USP42: variants seen among roughly 807,000 people sequenced by gnomAD.
The protein encoded by USP42 is ubiquitin carboxyl-terminal hydrolase 42.
Under a neutral mutation model 113.0 loss-of-function variants are expected in USP42, and 23 were observed. The ratio of observed to expected loss-of-function variants is 0.20; its 90% CI spans 0.15 to 0.29. The LOEUF is 0.29. USP42 is among the 10% of genes least tolerant of loss of function. The pLI, the probability that USP42 is intolerant of heterozygous loss-of-function variation, is 1.00. For synonymous variants in USP42, 933 were observed against 699.0 expected, an observed-to-expected ratio of 1.33 and a Z score of -5.28; for missense variants, 2,174 against 1,779.8, an observed-to-expected ratio of 1.22 and a Z score of -3.99.
At chr7:6,114,513 A>G (rs1172948443) in intron 2 of USP42, among the ~76,000 whole-genome samples, 3 of 151,436 alleles carry the variant, frequency 2.0e-5, no homozygotes, top group Admixed American at 1.3e-4. Flanking sequence ...TAGTGTATAC[A>G]TCTAAAGAGT....
At chr7:6,150,850 G>A (rs1782002529) in intron 14 of USP42, among the ~76,000 whole-genome samples, 2 of 152,160 alleles carry the variant, frequency 1.3e-5, no homozygotes, top group African/African-American at 4.8e-5. Context: ...TGTGCTGAGG[G>A]TCTAGGCCAG....
chr7:6,120,008 C>T (rs754726289), intron 3 of USP42, among the ~76,000 whole-genome samples: 3 of 152,170 alleles, frequency 2.0e-5, no homozygotes, highest in East Asian at 1.9e-4. Context: ...CTCTGCCGCC[C>T]GGGCTGGAGT....
intron 3 of USP42, among the ~76,000 whole-genome samples, chr7:6,126,224 T>A (rs1199350370): frequency 6.6e-6 from 1 of 152,200 alleles, no homozygotes; most frequent in South Asian, 2.1e-4. Flanking sequence ...ATCCAGGTCG[T>A]TGCATGTATT....
chr7:6,081,704 A>T, the USP42 span: 2 of 152,218 alleles, frequency 1.3e-5, no homozygotes, highest in Admixed American at 6.6e-5. Flanking sequence ...AGGTCGGGTG[A>T]GAGGGTGATC....
In USP42 at chr7:6,121,015, C is replaced by G. The variant is rs577331767; in HGVS notation, c.442+5492C>G. ...TCTTATATCTTGGAACCTTAAGTCA[C>G]TTATTAATTCTAGTAGGTTTTTTTT... On this transcript the variant is annotated intron_variant, in intron 3 of 17. Coordinates refer to ENST00000306177, the MANE Select transcript of USP42 (RefSeq NM_032172.3). Among the ~76,000 whole-genome samples the G allele has an allele frequency of 1.5e-4, 23 of 151,676 alleles. No homozygotes were observed. The Middle Eastern group carries it at 0.014, about 90-fold the overall frequency.
intron 3 of USP42, among the ~76,000 whole-genome samples, chr7:6,119,984 G>A (rs1341755050): frequency 6.6e-6 from 1 of 151,834 alleles, no homozygotes; most frequent in Non-Finnish European, 1.5e-5. Flanking sequence ...TTTGTTTTTT[G>A]AGACGGAGTC....
In USP42 at chr7:6,146,327, T is replaced by C. The variant is rs867629497; in HGVS notation, c.1232+79T>C. On this transcript the variant is annotated intron_variant, in intron 11 of 17. Coordinates refer to ENST00000306177, the MANE Select transcript of USP42 (RefSeq NM_032172.3). ...CTTATCAACATGTTTGAATTCAATATTCAGTGTTTTAAAAAAAAAAAAAAA... is the reference window on the plus strand; with the variant it reads ...CTTATCAACATGTTTGAATTCAATACTCAGTGTTTTAAAAAAAAAAAAAAA... 182 of 894,286 alleles carry C rather than the reference T, an allele frequency of 2.0e-4. No homozygotes were observed. The Middle Eastern group carries it at 5.1e-3, about 25-fold the overall frequency. 55.4% of individuals were successfully genotyped at this position (894,286 alleles called of 1,614,324 possible). A position where few individuals can be genotyped will look rare whatever the true frequency, so the allele number is the denominator to read the frequency against.
chr7:6,114,786 G>A (rs1272353830), intron 2 of USP42, among the ~76,000 whole-genome samples: 2 of 143,424 alleles, frequency 1.4e-5, no homozygotes, highest in South Asian at 2.4e-4. Context: ...TGCCTCCCGG[G>A]TTCACGCCAT....
In USP42 at chr7:6,133,673, C is replaced by T. The variant is rs931067751; in HGVS notation, c.443-2168C>T. Reference sequence around the variant, plus strand: ...TAGCTGAGACTACAAGCACGTGCCACCACACCTGGCTAATTTTTGTATTTT... The same window carrying T: ...TAGCTGAGACTACAAGCACGTGCCATCACACCTGGCTAATTTTTGTATTTT... On this transcript the variant is annotated intron_variant, in intron 3 of 17. Coordinates refer to ENST00000306177, the MANE Select transcript of USP42 (RefSeq NM_032172.3). 2.0e-5 allele frequency among the ~76,000 whole-genome samples: 3 copies of T among 151,978 alleles called. No individual in the cohort carries two copies. In the South Asian group the frequency reaches 6.2e-4, roughly 31 times the overall value.
At chr7:6,140,284 G>T in intron 6 of USP42, 89 bp downstream of exon 6, 1 of 1,232,556 alleles carries the variant, frequency 8.1e-7, no homozygotes. Flanking sequence ...TACTAGGAAG[G>T]AAGGAAAAGT....
Position 6,153,984 on chromosome 7 carries a change from G to A in USP42, c.2430G>A (p.Val810=), listed in dbSNP as rs746891100. The part of the protein sequence containing the change: ...EPPPSAGEDI[V]GDTAPPDLCD... ...CGCCCAGCGCCGGCGAGGACATCGT[G>A]GGGGACACAGCACCCCCTGACCTGT... Residue 810 remains valine, a synonymous_variant, in exon 15 of 18, where the codon GTG becomes GTA. Transcript: ENST00000306177. 2.5e-6 allele frequency: 4 copies of A among 1,597,992 alleles called. No individual in the cohort carries two copies. The highest frequency in any genetic ancestry group is 3.4e-5 in the Admixed American group (2 of 59,668).
At position 6,105,017 on chromosome 7, in the gene USP42, C is replaced by T; in HGVS notation, c.-25C>T. On this transcript the variant is annotated 5_prime_UTR_variant, in exon 1 of 18. Coordinates refer to ENST00000306177, the MANE Select transcript of USP42 (RefSeq NM_032172.3). ...CGGCGGCCGAGGGGGATGGAGCGAG[C>T]GCCGAGCCGGGTCAGGTAAGCTCCC... is the stretch of plus-strand genomic sequence containing the variant. 1 of 152,572 alleles carries T rather than the reference C, an allele frequency of 6.6e-6. No homozygotes were observed. Among genetic ancestry groups the T allele is most frequent in the Non-Finnish European group, 1.4e-5 (1 of 69,946 alleles). The allele number at this position is 152,572 out of a possible 1,614,324, so 9.5% of individuals were successfully genotyped here. A position where few individuals can be genotyped will look rare whatever the true frequency, so the allele number is the denominator to read the frequency against.
rs1224541333 is a variant in USP42, at chr7:6,154,600, A to G, written c.3046A>G (p.Arg1016Gly). The G allele has an allele frequency of 1.9e-6, 3 of 1,584,362 alleles. No individual in the cohort carries two copies. The highest frequency in any genetic ancestry group is 1.8e-5 in the Admixed American group (1 of 56,162). Residue 1016 changes from arginine to glycine, a missense_variant, in exon 15 of 18, where the codon AGG becomes GGG. Coordinates refer to ENST00000306177, the MANE Select transcript of USP42 (RefSeq NM_032172.3). ...CCCTGGCGAGCGCCGCTCTCTGGGC[A>G]GGTGCAGTCACCACCACTCCCGACA... Reference protein sequence around the residue: ...LSPGERRSLGRCSHHHSRHRS... With the variant: ...LSPGERRSLGGCSHHHSRHRS...
chr7:6,124,513 C>G (rs900881762), intron 3 of USP42, among the ~76,000 whole-genome samples: 2 of 152,090 alleles, frequency 1.3e-5, no homozygotes, highest in Admixed American at 6.6e-5. Flanking sequence ...ATCTGCCTGC[C>G]TCGGCCTCCC....
intron 4 of USP42, among the ~76,000 whole-genome samples, chr7:6,138,521 C>A (rs1194159103): frequency 6.6e-6 from 1 of 152,176 alleles, no homozygotes; most frequent in Non-Finnish European, 1.5e-5. Context: ...AAACATGAGT[C>A]ACTCTGTAGC....
At chr7:6,088,387 C>G in the USP42 span, among the ~76,000 whole-genome samples, 1 of 150,986 alleles carries the variant, frequency 6.6e-6, no homozygotes, top group Non-Finnish European at 1.5e-5. Flanking sequence ...TCCCAAGTAG[C>G]TGGGATTAAA....
At chr7:6,136,043 C>T (rs563298759) in intron 4 of USP42, 92 bp downstream of exon 4, 25 of 789,872 alleles carry the variant, frequency 3.2e-5, no homozygotes, top group South Asian at 1.8e-4. Context: ...CTTGCTCTGT[C>T]GCCTAGGCTG....
the USP42 span, among the ~76,000 whole-genome samples, chr7:6,093,529 C>T: frequency 2.2e-4 from 33 of 150,916 alleles, no homozygotes; most frequent in South Asian, 5.4e-3. Context: ...GCGATTCTCC[C>T]GCCTCAGCCT....
chr7:6,154,176 C>A lies in USP42; in HGVS notation c.2622C>A (p.His874Gln). The A allele has an allele frequency of 6.3e-7, 1 of 1,599,712 alleles. No individual in the cohort carries two copies. The highest frequency in any genetic ancestry group is 1.1e-5 in the South Asian group (1 of 90,534). Reference protein sequence around the residue: ...EEPCEQPLLVHPSGDHARDAQ... With the variant: ...EEPCEQPLLVQPSGDHARDAQ... ...CCTGCGAGCAGCCACTCCTTGTTCA[C>A]CCCAGCGGGGACCACGCCCGGGACG... Residue 874 changes from histidine (H) to glutamine (Q), a missense_variant, in exon 15 of 18, where the codon CAC becomes CAA. Coordinates refer to ENST00000306177, the MANE Select transcript of USP42 (RefSeq NM_032172.3).
Sources: allele counts gnomAD v4.1 joint callset (sites outside exome capture counted in the v4.1 genomes callset), GRCh38; gene constraint gnomAD v4.1.1; transcripts MANE v1.5; gene names NCBI Gene and HGNC (gene_info 2026-07-23, HGNC 2026-07-21).